The following GOLGA4 variants were observed in gnomAD, a reference collection of about 807,000 sequenced individuals.
GOLGA4 encodes golgin subfamily A member 4.
In GOLGA4, 169 loss-of-function variants were observed where a neutral mutation model predicts 265.9. The observed-to-expected ratio is 0.64, with a 90% confidence interval of 0.56 to 0.72. The LOEUF (loss-of-function observed/expected upper bound fraction) is 0.72. Ranked by LOEUF, GOLGA4 falls within the 30% of genes least tolerant of loss-of-function variation. GOLGA4 has a pLI of 0.00. For missense variants in GOLGA4, 2,482 were observed against 2,483.4 expected, an observed-to-expected ratio of 1.00 and a Z score of 0.01; for synonymous variants, 923 against 855.8, an observed-to-expected ratio of 1.08 and a Z score of -1.37.
intron 5 of GOLGA4, among the ~76,000 whole-genome samples, chr3:37,292,578 C>T (rs1246730254): frequency 1.3e-5 from 2 of 151,962 alleles, no homozygotes; most frequent in African/African-American, 2.4e-5. Flanking sequence ...CCCAGCTACT[C>T]GGTAGGCTGA....
chr3:37,291,397 T>G (rs781740026), intron 5 of GOLGA4, among the ~76,000 whole-genome samples: 3 of 152,174 alleles, frequency 2.0e-5, no homozygotes, highest in Admixed American at 6.5e-5. Flanking sequence ...TAAGCACCCA[T>G]GTGATTGCCG....
chr3:37,357,258 T>G (rs1299081991), intron 22 of GOLGA4, among the ~76,000 whole-genome samples: 1 of 152,186 alleles, frequency 6.6e-6, no homozygotes, highest in African/African-American at 2.4e-5. Context: ...ACTTTTCTAC[T>G]ATTCCTTTAA....
chr3:37,361,131 A>T, intron 22 of GOLGA4, 112 bp from the exon 23 acceptor site: 1 of 839,806 alleles, frequency 1.2e-6, no homozygotes, highest in Admixed American at 1.8e-5. Context: ...AGATTTGAGA[A>T]AAATTTAAGT....
At chr3:37,258,115 TG>T (rs2096758750) in intron 2 of GOLGA4, among the ~76,000 whole-genome samples, 2 of 135,286 alleles carry the variant, frequency 1.5e-5, no homozygotes, top group Non-Finnish European at 1.5e-5. Flanking sequence ...TATATATATG[TG>T]TGTATATATA....
At chr3:37,317,183 T>C (rs1021884455) in intron 11 of GOLGA4, among the ~76,000 whole-genome samples, 3 of 152,220 alleles carry the variant, frequency 2.0e-5, no homozygotes, top group African/African-American at 2.4e-5. Flanking sequence ...TTTTCTTTCT[T>C]TTTTTGAGAC....
At chr3:37,282,807 C>T (rs970502375) in intron 3 of GOLGA4, among the ~76,000 whole-genome samples, 2 of 152,208 alleles carry the variant, frequency 1.3e-5, no homozygotes, top group South Asian at 4.1e-4. Flanking sequence ...ATGACACTCC[C>T]TGTTTGGTCT....
At chr3:37,323,353 T>G (rs1452540246) in intron 13 of GOLGA4, among the ~76,000 whole-genome samples, 4 of 152,092 alleles carry the variant, frequency 2.6e-5, no homozygotes, top group Non-Finnish European at 5.9e-5. Context: ...GGTCTCAAAC[T>G]CCCGGCTTCA....
intron 20 of GOLGA4, among the ~76,000 whole-genome samples, chr3:37,344,537 T>G (rs1399917247): frequency 6.6e-6 from 1 of 150,912 alleles, no homozygotes; most frequent in Non-Finnish European, 1.5e-5. Context: ...CTTTCTATGT[T>G]GCCCAGTCTA....
Position 37,327,365 on chromosome 3 carries a change from G to A in GOLGA4, c.5479G>A (p.Ala1827Thr). 1 of 1,613,766 alleles carries A rather than the reference G, an allele frequency of 6.2e-7. No individual in the cohort carries two copies. Among genetic ancestry groups the A allele is most frequent in the Admixed American group, 1.7e-5 (1 of 59,982 alleles). ...AGAAGGAGGTAAAAATAACATACAG[G>A]CAAAGCAAAACTTGGAAAATGTGTT... ...EKEGGKNNIQ[A>T]KQNLENVFDD... The change falls in exon 14 of 24, where the codon GCA (alanine) becomes ACA (threonine). Residue 1827 changes from alanine to threonine, a missense_variant. Physicochemically the swap from Ala to Thr is moderately conservative, Grantham distance 58 (BLOSUM62 0). This residue lies in a region of GOLGA4 where 942 missense variants were observed against 983.1 expected (regional missense o/e 0.96). Transcript: ENST00000361924.
chr3:37,286,545 A>G (rs1420185411), intron 4 of GOLGA4, among the ~76,000 whole-genome samples: 1 of 152,192 alleles, frequency 6.6e-6, no homozygotes, highest in Non-Finnish European at 1.5e-5. Flanking sequence ...GTTTTGATAA[A>G]GAGAAAGTGA....
At chr3:37,264,181 C>CCT (rs2150682623) in intron 2 of GOLGA4, among the ~76,000 whole-genome samples, 1 of 152,248 alleles carries the variant, frequency 6.6e-6, no homozygotes, top group South Asian at 2.1e-4. Flanking sequence ...CAAATATACT[C>CCT]CTCTGAAGTT....
At chr3:37,278,867 C>G (rs897936220) in intron 2 of GOLGA4, among the ~76,000 whole-genome samples, 13 of 148,028 alleles carry the variant, frequency 8.8e-5, no homozygotes, top group Non-Finnish European at 1.9e-4. Flanking sequence ...GGCTGTAGTG[C>G]AGTGGTGCAG....
intron 20 of GOLGA4, among the ~76,000 whole-genome samples, chr3:37,344,122 G>A (rs368423792): frequency 4.9e-4 from 74 of 152,334 alleles, no homozygotes; most frequent in Admixed American, 2.6e-4. Flanking sequence ...ACTGAAACTG[G>A]TCAGTGTCTC....
chr3:37,330,342 A>G (rs28567011), intron 16 of GOLGA4, among the ~76,000 whole-genome samples: 2,090 of 152,318 alleles, frequency 0.014, 44 homozygotes, highest in African/African-American at 0.048. Context: ...TAAGAAAGGA[A>G]CTTAGAGAAG....
chr3:37,332,224 T>C lies in GOLGA4; in HGVS notation c.6193-2829T>C, dbSNP rs1169950368. On this transcript the variant is annotated intron_variant, in intron 16 of 23. Coordinates refer to ENST00000361924, the MANE Select transcript of GOLGA4 (RefSeq NM_002078.5). ...AGCCAAACTCAACCATAGCTTGTTC[T>C]TCACTGTGTGTTTCCTTTGTACATG... 3.3e-5 allele frequency among the ~76,000 whole-genome samples: 5 copies of C among 152,266 alleles called. No homozygotes were observed. The East Asian group carries it at 9.6e-4, about 29-fold the overall frequency.
chr3:37,279,829 C>T (rs1413158902), intron 2 of GOLGA4, among the ~76,000 whole-genome samples: 1 of 151,952 alleles, frequency 6.6e-6, no homozygotes, highest in African/African-American at 2.4e-5. Context: ...ATCACTTGAA[C>T]CCGGGAGTTG....
At chr3:37,298,782 C>A in intron 7 of GOLGA4, 51 bp from the exon 8 acceptor site, 1 of 1,248,804 alleles carries the variant, frequency 8.0e-7, no homozygotes, top group Non-Finnish European at 1.1e-6. Context: ...TTTCCAAAGG[C>A]AGTTTCATAT....
At chr3:37,278,351 C>T (rs2096825192) in intron 2 of GOLGA4, among the ~76,000 whole-genome samples, 1 of 152,036 alleles carries the variant, frequency 6.6e-6, no homozygotes, top group African/African-American at 2.4e-5. Flanking sequence ...AGGCACCTGA[C>T]ACCACGCCTG....
At chr3:37,295,751 A>G (rs1476114933) in intron 6 of GOLGA4, among the ~76,000 whole-genome samples, 1 of 152,222 alleles carries the variant, frequency 6.6e-6, no homozygotes, top group Non-Finnish European at 1.5e-5. Context: ...AACCAACTGG[A>G]TCAGAAATAT....
Sources: gnomAD v4.1 joint callset for allele counts (sites outside exome capture counted in the v4.1 genomes callset) on GRCh38, gnomAD v4.1.1 for gene constraint, gnomAD v4.1.1 regional missense constraint, MANE v1.5 for transcripts, NCBI Gene and HGNC (gene_info 2026-07-23, HGNC 2026-07-21) for gene names.